Variants in SEMA3G observed in about 807,000 individuals in gnomAD.
SEMA3G encodes semaphorin-3G.
In SEMA3G, 70 loss-of-function variants were observed where a neutral mutation model predicts 86.2. The ratio of observed to expected loss-of-function variants is 0.81; its 90% CI spans 0.67 to 0.99. The LOEUF is 0.99. Among genes scored for constraint, SEMA3G ranks in the 50% least tolerant of loss-of-function variants. SEMA3G has a pLI of 0.00. For missense variants in SEMA3G, 1,002 were observed against 1,072.4 expected (o/e 0.93, Z 0.92); for synonymous variants, 416 against 441.4 (o/e 0.94, Z 0.72).
intron 13 of SEMA3G, 174 bp from the exon 14 acceptor site, chr3:52,438,373 T>C: frequency 1.0e-6 from 1 of 972,602 alleles, no homozygotes; most frequent in Middle Eastern, 5.3e-4. Flanking sequence ...GCATACCAGA[T>C]TCTGTGCCAG....
chr3:52,433,108 CTCCT>C lies in SEMA3G; in HGVS notation c.*2491_*2494del, dbSNP rs1705983599. On this transcript the variant is annotated 3_prime_UTR_variant, in exon 16 of 16. Coordinates refer to ENST00000231721, the MANE Select transcript of SEMA3G (RefSeq NM_020163.3). The stretch of plus-strand genomic sequence containing the variant: ...CTCGGCTTTGTACAAAGCCCTCTAA[CTCCT>C]TCCTTCCCCTGATACCCATCTTCCT... The C allele has an allele frequency of 6.6e-6, 1 of 152,094 alleles. No homozygotes were observed. The highest frequency in any genetic ancestry group is 2.1e-4 in the South Asian group (1 of 4,820). The allele number at this position is 152,094 out of a possible 1,614,324, so 9.4% of individuals were successfully genotyped here.
In SEMA3G at chr3:52,442,855, C is replaced by T; in HGVS notation, c.168G>A (p.Leu56=). The change falls in exon 2 of 16, where the codon CTG becomes CTA. Residue 56 remains leucine (L), a synonymous_variant. Coordinates refer to ENST00000231721, the MANE Select transcript of SEMA3G (RefSeq NM_020163.3). The surrounding 1 kb of genome is among the most constrained non-coding windows in gnomAD (Gnocchi z 6.1). Reference sequence around the variant, plus strand: ...CATCTAGGTACATGGCCTGGAGGTTCAGGGAGCCCTGGGGGCCCAGAAAGA... The same window carrying T: ...CATCTAGGTACATGGCCTGGAGGTTTAGGGAGCCCTGGGGGCCCAGAAAGA... ...SAIFLGPQGS[L]NLQAMYLDEY... The T allele has an allele frequency of 6.2e-7, 1 of 1,610,726 alleles. No homozygotes were observed. Among genetic ancestry groups the T allele is most frequent in the Non-Finnish European group, 8.5e-7 (1 of 1,178,548 alleles).
chr3:52,443,177 T>G (rs1706193262), intron 1 of SEMA3G: 1 of 701,018 alleles, frequency 1.4e-6, no homozygotes, highest in South Asian at 1.6e-5. Context: ...GCAGCTAACA[T>G]CTTCCCACTG....
chr3:52,441,082 C>T, intron 7 of SEMA3G, 34 bp from the exon 8 acceptor site: 1 of 1,546,268 alleles, frequency 6.5e-7, no homozygotes, highest in Non-Finnish European at 8.7e-7. Context: ...ACGCTTGGGC[C>T]CCACGAGGAT....
In SEMA3G at chr3:52,442,533, G is replaced by A. The variant is rs1706178683; in HGVS notation, c.339+26C>T. ...GGTCAGGGCAGGGTGTCAGGTCGGG[G>A]GACCATCCCTCCCGACAGCACTCAC... is the stretch of plus-strand genomic sequence containing the variant. On this transcript the variant is annotated intron_variant, in intron 3 of 15. Transcript: ENST00000231721. The surrounding 1 kb of genome is among the most constrained non-coding windows in gnomAD (Gnocchi z 6.1). 6.2e-7 allele frequency: 1 copy of A among 1,611,424 alleles called. No homozygotes were observed. Among genetic ancestry groups the A allele is most frequent in the Non-Finnish European group, 8.5e-7 (1 of 1,177,682 alleles).
chr3:52,441,064 C>T lies in SEMA3G; in HGVS notation c.814-16G>A, dbSNP rs1469458826. The T allele has an allele frequency of 4.8e-5, 75 of 1,576,452 alleles. No individual in the cohort carries two copies. The highest frequency in any genetic ancestry group is 6.1e-5 in the Non-Finnish European group (71 of 1,165,822). On this transcript the variant is annotated splice_polypyrimidine_tract_variant and intron_variant, in intron 7 of 15. Transcript: ENST00000231721. ...CAGCATCATTCTGCAGGATAAGGGG[C>T]CAGAGTCACGCTTGGGCCCCACGAG...
Position 52,438,179 on chromosome 3 carries a change from A to C in SEMA3G, c.1530T>G (p.Ser510=). 1 of 1,613,204 alleles carries C rather than the reference A, an allele frequency of 6.2e-7. No homozygotes were observed. ...GCCGCAGCTGGGCCACACCCAGCCG[A>C]GAGCCCACGTATAGCATTTGCTGGG... ...SVKRQMLYVG[S]RLGVAQLRLH... Residue 510 remains serine (S), a synonymous_variant, in exon 14 of 16, where the codon TCT becomes TCG. Transcript: ENST00000231721.
At position 52,439,782 on chromosome 3, in the gene SEMA3G, G is replaced by A. The variant is rs1465619874; in HGVS notation, c.1376-11C>T. The A allele has an allele frequency of 1.2e-6, 2 of 1,613,462 alleles. No homozygotes were observed. The highest frequency in any genetic ancestry group is 2.2e-5 in the South Asian group (2 of 91,068). ...GCACAGACCCTGAGTCTGGGGCCAG[G>A]GAGGAGGGGTCAGCGGGACAGGAGG... On this transcript the variant is annotated splice_polypyrimidine_tract_variant and intron_variant, in intron 11 of 15. Coordinates refer to ENST00000231721, the MANE Select transcript of SEMA3G (RefSeq NM_020163.3).
chr3:52,440,669 A>G (rs182592799), intron 9 of SEMA3G, 85 bp downstream of exon 9: 3 of 1,472,636 alleles, frequency 2.0e-6, no homozygotes. Context: ...AGGCAAAGAG[A>G]GAGTCAGAGA....
At chr3:52,441,219 G>A (rs1706147265) in intron 7 of SEMA3G, 45 bp downstream of exon 7, 1 of 1,592,846 alleles carries the variant, frequency 6.3e-7, no homozygotes. Flanking sequence ...GGAATGGGAG[G>A]GTGTAGCAGG....
rs1199397329 is a variant in SEMA3G at position 52,440,760 on chromosome 3, G to A, written c.992C>T (p.Thr331Ile). Residue 331 changes from threonine to isoleucine, a missense_variant, in exon 9 of 16, where the codon ACC (threonine) becomes ATC (isoleucine). Coordinates refer to ENST00000231721, the MANE Select transcript of SEMA3G (RefSeq NM_020163.3). ...KSLEVYALFSTVSAVFQGFAV... is the reference protein window; with the variant it reads ...KSLEVYALFSIVSAVFQGFAV... ...GGGTGCTGGGTGTGCCCACCTGACG[G>A]TGCTGAACAGCGCGTACACCTCGAG... 8 of 1,612,886 alleles carry A rather than the reference G, an allele frequency of 5.0e-6. No homozygotes were observed. The highest frequency in any genetic ancestry group is 4.0e-5 in the African/African-American group (3 of 75,072).
In SEMA3G at chr3:52,440,446, G is replaced by A. The variant is rs1271254084; in HGVS notation, c.1074C>T (p.Ala358=). ...ACTGGTGCTGAGGCCCATCTCGGTG[G>A]GCAAAGGGCCCGTTGAAAACCTCCC... ...DIWEVFNGPF[A]HRDGPQHQWG... is the part of the protein sequence containing the mutation. The change falls in exon 10 of 16, where the codon GCC becomes GCT. Residue 358 remains alanine (A), a synonymous_variant. Coordinates refer to ENST00000231721, the MANE Select transcript of SEMA3G (RefSeq NM_020163.3). 1 of 1,610,690 alleles carries A rather than the reference G, an allele frequency of 6.2e-7. No homozygotes were observed. The highest frequency in any genetic ancestry group is 8.5e-7 in the Non-Finnish European group (1 of 1,179,208).
At position 52,441,318 on chromosome 3, in the gene SEMA3G, C is replaced by T. The variant is rs1161131155; in HGVS notation, c.759G>A (p.Ser253=). Residue 253 remains serine, a synonymous_variant, in exon 7 of 16, where the codon TCG becomes TCA. Transcript: ENST00000231721. ...VYFFFSETVP[S]PDGGSNHVTV... ...TGACATGGTTCGAGCCACCATCGGG[C>T]GAGGGGACCGTCTCCGAGAAGAAGA... 6.8e-6 allele frequency: 11 copies of T among 1,613,568 alleles called. No homozygotes were observed. Among genetic ancestry groups the T allele is most frequent in the African/African-American group, 2.7e-5 (2 of 74,932 alleles).
In SEMA3G at chr3:52,438,896, G is replaced by A. The variant is rs751664028; in HGVS notation, c.1509+24C>T. On this transcript the variant is annotated intron_variant, in intron 13 of 15. Coordinates refer to ENST00000231721, the MANE Select transcript of SEMA3G (RefSeq NM_020163.3). ...GAGCAGGGGCAGAAGGGGGGTCCAA[G>A]AGGAGGGTGGCAGCTGTTCTTACCC... 5.3e-5 allele frequency: 86 copies of A among 1,612,714 alleles called. No homozygotes were observed. The South Asian group carries it at 9.1e-4, about 17-fold the overall frequency.
At position 52,442,169 on chromosome 3, in the gene SEMA3G, C is replaced by A; in HGVS notation, c.459+16G>T. ...CACTGCCTCCCAGTCCCTTGTGGGG[C>A]CTGGCCCAGGCTCACCTCCCCACGG... On this transcript the variant is annotated intron_variant, in intron 4 of 15. Coordinates refer to ENST00000231721, the MANE Select transcript of SEMA3G (RefSeq NM_020163.3). This position sits in a 1 kb window ranked among gnomAD's most constrained non-coding sequence, Gnocchi z 6.1. 1 of 1,609,976 alleles carries A rather than the reference C, an allele frequency of 6.2e-7. No homozygotes were observed.
chr3:52,441,145 G>A, intron 7 of SEMA3G, 97 bp from the exon 8 acceptor site: 1 of 1,486,032 alleles, frequency 6.7e-7, no homozygotes, highest in Admixed American at 1.9e-5. Context: ...AGGTATGCAT[G>A]TCAGCTTTGC....
Position 52,440,410 on chromosome 3 carries a change from A to T in SEMA3G, c.1110T>A (p.Tyr370Ter). The change falls in exon 10 of 16, where the codon TAT (tyrosine) becomes TAA (stop). Residue 370 changes from tyrosine to a stop codon, truncating the protein, a stop_gained. Transcript: ENST00000231721. LOFTEE classifies it high-confidence loss of function. The part of the protein sequence containing the change: ...RDGPQHQWGP[Y>*]GGKVPFPRPG... ...GGCGAGGGAAGGGCACCTTGCCCCC[A>T]TAGGGCCCCCACTGGTGCTGAGGCC... The T allele has an allele frequency of 6.2e-7, 1 of 1,609,784 alleles. No homozygotes were observed. Among genetic ancestry groups the T allele is most frequent in the Non-Finnish European group, 8.5e-7 (1 of 1,179,076 alleles).
In SEMA3G at chr3:52,434,820, T is replaced by TG. The variant is rs986462482; in HGVS notation, c.*782dup. The TG allele has an allele frequency of 6.6e-6, 1 of 151,910 alleles. No individual in the cohort carries two copies. Among genetic ancestry groups the TG allele is most frequent in the African/African-American group, 2.4e-5 (1 of 41,314 alleles). 9.4% of individuals were successfully genotyped at this position (151,910 alleles called of 1,614,324 possible). ...CTCGTGGACATGGAGAGCCTGACAA[T>TG]GGGGAGGGGGTCCTCTCAGGAGGGG... is the stretch of plus-strand genomic sequence containing the variant. On this transcript the variant is annotated 3_prime_UTR_variant, in exon 16 of 16. Transcript: ENST00000231721. The surrounding 1 kb of genome is among the most constrained non-coding windows in gnomAD (Gnocchi z 5.2).
Position 52,434,464 on chromosome 3 carries a change from TG to T in SEMA3G, c.*1138del, listed in dbSNP as rs1274132128. On this transcript the variant is annotated 3_prime_UTR_variant, in exon 16 of 16. Coordinates refer to ENST00000231721, the MANE Select transcript of SEMA3G (RefSeq NM_020163.3). The surrounding 1 kb of genome is among the most constrained non-coding windows in gnomAD (Gnocchi z 5.2). ...ACAGAGATTCCAGAGATGGAAACAC[TG>T]GGTCTTCCAGGTGGCTTCTGAGCTA... 2 of 152,168 alleles carry T rather than the reference TG, an allele frequency of 1.3e-5. No individual in the cohort carries two copies. The highest frequency in any genetic ancestry group is 2.4e-5 in the African/African-American group (1 of 41,434). The allele number at this position is 152,168 out of a possible 1,614,324, so 9.4% of individuals were successfully genotyped here. A position where few individuals can be genotyped will look rare whatever the true frequency, so the allele number is the denominator to read the frequency against.
Sources: allele counts gnomAD v4.1 joint callset, GRCh38; gene constraint gnomAD v4.1.1; non-coding constraint Gnocchi (gnomAD v3.1); transcripts MANE v1.5; gene names NCBI Gene and HGNC (gene_info 2026-07-23, HGNC 2026-07-21).